Variants in HCN4 observed in about 807,000 individuals in gnomAD.
HCN4 encodes the protein hyperpolarization activated cyclic nucleotide gated potassium channel 4, also known as potassium/sodium hyperpolarization-activated cyclic nucleotide-gated channel 4.
In HCN4, 29 loss-of-function variants were observed where a neutral mutation model predicts 76.9. That is an observed-to-expected ratio of 0.38 (90% CI 0.28 to 0.51). The LOEUF is 0.51. Among genes scored for constraint, HCN4 ranks in the 20% least tolerant of loss-of-function variants. The pLI is 0.90. For synonymous variants in HCN4, 772 were observed against 762.5 expected (o/e 1.01, Z -0.21); for missense variants, 1,416 against 1,715.2 (o/e 0.83, Z 3.08).
chr15:73,367,980 G>A lies in HCN4; in HGVS notation c.291C>T (p.Arg97=). The A allele has an allele frequency of 7.4e-7, 1 of 1,347,412 alleles. No homozygotes were observed. Among genetic ancestry groups the A allele is most frequent in the Non-Finnish European group, 9.5e-7 (1 of 1,056,046 alleles). 83.5% of individuals were successfully genotyped at this position (1,347,412 alleles called of 1,614,324 possible). A position where few individuals can be genotyped will look rare whatever the true frequency, so the allele number is the denominator to read the frequency against. The change falls in exon 1 of 8, where the codon CGC becomes CGT. Residue 97 remains arginine (R), a synonymous_variant. Coordinates refer to ENST00000261917, the MANE Select transcript of HCN4 (RefSeq NM_005477.3). This position sits in a 1 kb window ranked among gnomAD's most constrained non-coding sequence, Gnocchi z 7.5. ...GGCTGCCCAGCGAGGCCAGGCTCCCGCGGAAGCGCCTGCAGTCGCCGTTCG... is the reference window on the plus strand; with the variant it reads ...GGCTGCCCAGCGAGGCCAGGCTCCCACGGAAGCGCCTGCAGTCGCCGTTCG... ...SSTNGDCRRF[R]GSLASLGSRG...
intron 2 of HCN4, among the ~76,000 whole-genome samples, chr15:73,335,074 G>A (rs999902642): frequency 6.6e-5 from 10 of 152,050 alleles, no homozygotes; most frequent in Admixed American, 2.0e-4. Context: ...CTTACCAGAA[G>A]CCCCCGTGCT....
intron 2 of HCN4, among the ~76,000 whole-genome samples, chr15:73,332,814 A>G (rs1003409494): frequency 1.4e-4 from 22 of 152,156 alleles, no homozygotes; most frequent in African/African-American, 5.3e-4. Flanking sequence ...GTTCAGGCAG[A>G]CCTTGATCCC....
intron 1 of HCN4, among the ~76,000 whole-genome samples, chr15:73,347,610 G>A (rs556975595): frequency 4.1e-4 from 62 of 152,292 alleles, no homozygotes; most frequent in Non-Finnish European, 8.2e-4. Flanking sequence ...CACAAAGGAA[G>A]GAAGAGTAAC....
rs1342977439 is a variant in HCN4, at chr15:73,350,126, G to A, written c.786-6318C>T. ...TCTTCTATTCAGTTGTGCTGCACCT[G>A]TTTTTCAGAGTCCTGGGAATATCCA... On this transcript the variant is annotated intron_variant, in intron 1 of 7. Coordinates refer to ENST00000261917, the MANE Select transcript of HCN4 (RefSeq NM_005477.3). Among the ~76,000 whole-genome samples, 4 of 152,140 alleles carry A rather than the reference G, an allele frequency of 2.6e-5. No homozygotes were observed. In the East Asian group the frequency reaches 7.7e-4, roughly 29 times the overall value.
intron 1 of HCN4, among the ~76,000 whole-genome samples, chr15:73,357,051 C>A (rs2043084397): frequency 6.6e-6 from 1 of 152,184 alleles, no homozygotes; most frequent in South Asian, 2.1e-4. Flanking sequence ...CTGAGTGCTT[C>A]CTGAAACTCT....
intron 6 of HCN4, 65 bp from the exon 7 acceptor site, chr15:73,324,318 C>T: frequency 2.6e-6 from 4 of 1,564,252 alleles, no homozygotes; most frequent in South Asian, 1.1e-5. Flanking sequence ...GGACTGCCCA[C>T]CCTGACCTTG....
chr15:73,345,619 C>T (rs1355744880), intron 1 of HCN4, among the ~76,000 whole-genome samples: 1 of 152,218 alleles, frequency 6.6e-6, no homozygotes, highest in Non-Finnish European at 1.5e-5. Context: ...TACCCAGCCA[C>T]ATAGACCTCA....
chr15:73,356,855 A>C (rs2043083518), intron 1 of HCN4, among the ~76,000 whole-genome samples: 1 of 152,130 alleles, frequency 6.6e-6, no homozygotes, highest in African/African-American at 2.4e-5. Flanking sequence ...CTCCCTGGAG[A>C]GGGAGGCCTA....
Position 73,366,360 on chromosome 15 carries a change from T to C in HCN4, c.785+1126A>G, listed in dbSNP as rs149989637. Reference sequence around the variant, plus strand: ...TGGGTTGGCAAAATGCTCATTTTTATAGGCAGGCAACTAAGGTAGGCAAGG... The same window carrying C: ...TGGGTTGGCAAAATGCTCATTTTTACAGGCAGGCAACTAAGGTAGGCAAGG... On this transcript the variant is annotated intron_variant, in intron 1 of 7. Coordinates refer to ENST00000261917, the MANE Select transcript of HCN4 (RefSeq NM_005477.3). Among the ~76,000 whole-genome samples the C allele has an allele frequency of 4.2e-3, 634 of 152,244 alleles. 4 individuals carry two copies. Among genetic ancestry groups the C allele is most frequent in the African/African-American group, 0.015 (611 of 41,548 alleles).
At chr15:73,342,154 C>T (rs547168206) in intron 2 of HCN4, among the ~76,000 whole-genome samples, 1 of 152,356 alleles carries the variant, frequency 6.6e-6, no homozygotes, top group South Asian at 2.1e-4. Context: ...GTGGCAGACA[C>T]AGACCGAAGC....
At position 73,368,000 on chromosome 15, in the gene HCN4, C is replaced by T. The variant is rs746252218; in HGVS notation, c.271G>A (p.Gly91Ser). ...ARGAGKSSTN[G>S]DCRRFRGSLA... is the part of the protein sequence containing the mutation. ...CTCCCGCGGAAGCGCCTGCAGTCGC[C>T]GTTCGTGCTGGACTTGCCCGCGCCG... Residue 91 changes from glycine to serine, a missense_variant, in exon 1 of 8, where the codon GGC (glycine) becomes AGC (serine). Around this residue, in one of 6 missense-constraint regions of HCN4, gnomAD observed 355 missense variants for 347.8 expected, o/e 1.02. Coordinates refer to ENST00000261917, the MANE Select transcript of HCN4 (RefSeq NM_005477.3). This position sits in a 1 kb window ranked among gnomAD's most constrained non-coding sequence, Gnocchi z 7.5. 5.8e-6 allele frequency: 8 copies of T among 1,374,234 alleles called. No homozygotes were observed. In the East Asian group the frequency reaches 1.9e-4, roughly 32 times the overall value. 85.1% of individuals were successfully genotyped at this position (1,374,234 alleles called of 1,614,324 possible). A position where few individuals can be genotyped will look rare whatever the true frequency, so the allele number is the denominator to read the frequency against.
chr15:73,355,464 C>A (rs1439552071), intron 1 of HCN4, among the ~76,000 whole-genome samples: 2 of 152,160 alleles, frequency 1.3e-5, no homozygotes, highest in East Asian at 3.9e-4. Flanking sequence ...ACGCGCACCT[C>A]AGGGAACCCT....
At chr15:73,332,357 T>A (rs1319853092) in intron 2 of HCN4, 65 bp from the exon 3 acceptor site, 1 of 1,536,800 alleles carries the variant, frequency 6.5e-7, no homozygotes, top group African/African-American at 1.4e-5. Flanking sequence ...GCGGCCACTT[T>A]CCCTGCCCTG....
In HCN4 at chr15:73,367,825, G is replaced by A; in HGVS notation, c.446C>T (p.Ala149Val). Residue 149 changes from alanine to valine, a missense_variant, in exon 1 of 8, where the codon GCG becomes GTG. Ala to Val is a moderately conservative substitution (Grantham distance 64, BLOSUM62 0). Around this residue, in one of 6 missense-constraint regions of HCN4, gnomAD observed 355 missense variants for 347.8 expected, o/e 1.02. Transcript: ENST00000261917. This position sits in a 1 kb window ranked among gnomAD's most constrained non-coding sequence, Gnocchi z 7.5. ...GGCGCCGGGGCGCTCGGGCTCGGCC[G>A]CCAGGCCTGGGGGCGTCCTGTCCTC... ...PGEDRTPPGL[A>V]AEPERPGASA... is the part of the protein sequence containing the mutation. 2.4e-6 allele frequency: 3 copies of A among 1,233,166 alleles called. No homozygotes were observed. Among genetic ancestry groups the A allele is most frequent in the Non-Finnish European group, 2.0e-6 (2 of 993,046 alleles). 76.4% of individuals were successfully genotyped at this position (1,233,166 alleles called of 1,614,324 possible).
chr15:73,349,743 C>T (rs540719632), intron 1 of HCN4, among the ~76,000 whole-genome samples: 16 of 152,280 alleles, frequency 1.1e-4, no homozygotes, highest in African/African-American at 3.6e-4. Flanking sequence ...AGCATCCTCC[C>T]CTCTCCCTAC....
chr15:73,338,703 T>C (rs928076747), intron 2 of HCN4, among the ~76,000 whole-genome samples: 3 of 152,208 alleles, frequency 2.0e-5, no homozygotes, highest in African/African-American at 4.8e-5. Context: ...TGGGGCCTGA[T>C]TGAATCCTCT....
chr15:73,349,449 G>A (rs772144057), intron 1 of HCN4, among the ~76,000 whole-genome samples: 3 of 152,136 alleles, frequency 2.0e-5, no homozygotes, highest in Non-Finnish European at 2.9e-5. Flanking sequence ...TATATGGTGG[G>A]CCAAGTATTC....
intron 3 of HCN4, among the ~76,000 whole-genome samples, chr15:73,331,505 A>C (rs1208425234): frequency 6.6e-6 from 1 of 152,028 alleles, no homozygotes; most frequent in Non-Finnish European, 1.5e-5. Flanking sequence ...TTGAGACAGG[A>C]TCTTGCTCTG....
intron 2 of HCN4, among the ~76,000 whole-genome samples, chr15:73,338,815 CTG>C (rs1216357553): frequency 6.6e-6 from 1 of 152,248 alleles, no homozygotes; most frequent in Non-Finnish European, 1.5e-5. Flanking sequence ...GCAGAACAGG[CTG>C]CTGCATATGC....
Sources: allele counts gnomAD v4.1 joint callset (sites outside exome capture counted in the v4.1 genomes callset), GRCh38; gene constraint gnomAD v4.1.1; regional missense constraint gnomAD v4.1.1; non-coding constraint Gnocchi (gnomAD v3.1); transcripts MANE v1.5; gene names NCBI Gene and HGNC (gene_info 2026-07-23, HGNC 2026-07-21).